The following POMGNT1 variants were observed in gnomAD, a reference collection of about 807,000 sequenced individuals.
POMGNT1 encodes protein O-linked-mannose beta-1,2-N-acetylglucosaminyltransferase 1.
Under a neutral mutation model 95.6 loss-of-function variants are expected in POMGNT1, and 67 were observed. The ratio of observed to expected loss-of-function variants is 0.70; its 90% confidence interval spans 0.58 to 0.86. The LOEUF is 0.86. Among genes scored for constraint, POMGNT1 ranks in the 40% least tolerant of loss-of-function variants. The pLI is 0.00. For synonymous variants in POMGNT1, 298 were observed against 317.9 expected, an observed-to-expected ratio of 0.94 and a Z score of 0.66; for missense variants, 719 against 855.2, an observed-to-expected ratio of 0.84 and a Z score of 1.99.
chr1:46,190,364 A>G, intron 19 of POMGNT1, 109 bp downstream of exon 19: 2 of 1,401,954 alleles, frequency 1.4e-6, no homozygotes, highest in Middle Eastern at 1.8e-4. Context: ...AATGTTTGAG[A>G]TGAGGGCCCT....
chr1:46,205,116 G>A (rs1010789974), intron 1 of POMGNT1, among the ~76,000 whole-genome samples: 1 of 152,106 alleles, frequency 6.6e-6, no homozygotes, highest in African/African-American at 2.4e-5. Context: ...AAATTAGATG[G>A]GTGTTGTGGT....
At chr1:46,189,796 G>A in intron 20 of POMGNT1, 58 bp downstream of exon 20, 1 of 1,609,024 alleles carries the variant, frequency 6.2e-7, no homozygotes, top group Non-Finnish European at 8.5e-7. Context: ...CCTGGATCTT[G>A]GGGCAGTATG....
intron 10 of POMGNT1, 23 bp downstream of exon 10, chr1:46,193,832 G>T: frequency 6.2e-7 from 1 of 1,613,582 alleles, no homozygotes; most frequent in South Asian, 1.1e-5. Flanking sequence ...TCAGTGCTGG[G>T]TATAGCCCAT....
intron 2 of POMGNT1, chr1:46,197,437 T>G (rs1320261477): frequency 6.7e-7 from 1 of 1,492,370 alleles, no homozygotes; most frequent in Non-Finnish European, 8.9e-7. Flanking sequence ...CCTAACTGCC[T>G]CACAGGGGTG....
upstream of POMGNT1, among the ~76,000 whole-genome samples, chr1:46,199,715 AT>A (rs1370994621): frequency 1.3e-5 from 2 of 152,126 alleles, no homozygotes; most frequent in Non-Finnish European, 2.9e-5. Context: ...GACCAGTTAG[AT>A]TTTTTTGAGC....
intron 15 of POMGNT1, 26 bp from the exon 16 acceptor site, chr1:46,192,462 G>A (rs1487942183): frequency 1.2e-6 from 2 of 1,614,012 alleles, no homozygotes; most frequent in Non-Finnish European, 1.7e-6. Flanking sequence ...CATAGTGGGA[G>A]GTATTAGCTG....
Position 46,195,828 on chromosome 1 carries a change from G to A in POMGNT1, c.517C>T (p.Leu173Phe). 1 of 1,598,248 alleles carries A rather than the reference G, an allele frequency of 6.3e-7. No homozygotes were observed. Among genetic ancestry groups the A allele is most frequent in the Non-Finnish European group, 8.5e-7 (1 of 1,171,246 alleles). Residue 173 changes from leucine (L) to phenylalanine (F), a missense_variant, in exon 6 of 22, where the codon CTC (leucine) becomes TTC (phenylalanine). Around this residue, in one of 5 missense-constraint regions of POMGNT1, gnomAD observed 466 missense variants for 517.4 expected, o/e 0.90. Coordinates refer to ENST00000371984, the MANE Select transcript of POMGNT1 (RefSeq NM_017739.4). ...FLNMVAPGRV[L>F]ICTVKDEGSF... ...TAACTGACCTTGACAGTGCAGATGAGCACTCGGCCGGGCGCTACCATGTTG... is the reference window on the plus strand; with the variant it reads ...TAACTGACCTTGACAGTGCAGATGAACACTCGGCCGGGCGCTACCATGTTG...
intron 13 of POMGNT1, 85 bp from the exon 14 acceptor site, chr1:46,193,043 A>G: frequency 1.2e-6 from 2 of 1,604,166 alleles, no homozygotes; most frequent in Non-Finnish European, 1.7e-6. Flanking sequence ...TCTTGCAGGC[A>G]GCATTACCCC....
intron 11 of POMGNT1, 47 bp downstream of exon 11, chr1:46,193,517 T>C (rs1657960307): frequency 6.2e-7 from 1 of 1,613,960 alleles, no homozygotes; most frequent in Admixed American, 1.7e-5. Flanking sequence ...CAATCACTGC[T>C]GCTCCATGTT....
rs1352390487 is a variant in POMGNT1, at chr1:46,196,009, C to T, written c.420+3G>A. ...TCTGGGTCACCCACCCCTAGAAACT[C>T]ACCGTGGCCTGGTTGAGGACAATGA... On this transcript the variant is annotated splice_donor_region_variant and intron_variant, in intron 5 of 21. Transcript: ENST00000371984. This position sits in a 1 kb window ranked among gnomAD's most constrained non-coding sequence, Gnocchi z 4.4. The T allele has an allele frequency of 6.2e-7, 1 of 1,614,090 alleles. No homozygotes were observed. Among genetic ancestry groups the T allele is most frequent in the East Asian group, 2.2e-5 (1 of 44,888 alleles).
At chr1:46,200,538 G>A (rs557403625), upstream of POMGNT1, among the ~76,000 whole-genome samples, 1 of 152,270 alleles carries the variant, frequency 6.6e-6, no homozygotes, top group African/African-American at 2.4e-5. Context: ...GCTCACCATT[G>A]TATTCTCTAC....
At chr1:46,193,962 C>G (rs1168670289) in intron 9 of POMGNT1, 37 bp from the exon 10 acceptor site, 1 of 1,611,436 alleles carries the variant, frequency 6.2e-7, no homozygotes, top group Non-Finnish European at 8.5e-7. Context: ...TGCCTTATTC[C>G]CCCTTCAAAC....
intron 1 of POMGNT1, among the ~76,000 whole-genome samples, chr1:46,207,353 T>A (rs1161345397): frequency 6.6e-6 from 1 of 152,094 alleles, no homozygotes; most frequent in Non-Finnish European, 1.5e-5. Context: ...GTGCTGGGAT[T>A]ACAGGTGTGA....
Position 46,193,634 on chromosome 1 carries a change from A to G in POMGNT1, c.956T>C (p.Leu319Pro), listed in dbSNP as rs1657975458. Residue 319 changes from leucine (L) to proline (P), a missense_variant, in exon 11 of 22, where the codon CTG (leucine) becomes CCG (proline). By Grantham distance (98) the Leu-to-Pro change is moderately conservative. Transcript: ENST00000371984. Reference protein sequence around the residue: ...GNRPNYLYRMLRSLLSAQGVS... With the variant: ...GNRPNYLYRMPRSLLSAQGVS... ...CCCCTGGGCTGAAAGCAGAGAGCGC[A>G]GCATCCTGGGGAGCCCAGGGATAGG... 1 of 1,614,216 alleles carries G rather than the reference A, an allele frequency of 6.2e-7. No individual in the cohort carries two copies. The highest frequency in any genetic ancestry group is 1.3e-5 in the African/African-American group (1 of 75,070).
At position 46,192,923 on chromosome 1, in the gene POMGNT1, C is replaced by T. The variant is rs1657896660; in HGVS notation, c.1188G>A (p.Leu396=). The part of the protein sequence containing the change: ...AKFAVVLEED[L]DIAVDFFSFL... ...ACCTGAAAAAATCCACAGCAATGTC[C>T]AGGTCCTCTTCCAGAACCACAGCAA... Residue 396 remains leucine (L), a synonymous_variant, in exon 14 of 22, where the codon CTG becomes CTA. Transcript: ENST00000371984. 1 of 1,614,170 alleles carries T rather than the reference C, an allele frequency of 6.2e-7. No homozygotes were observed. The highest frequency in any genetic ancestry group is 8.5e-7 in the Non-Finnish European group (1 of 1,180,028).
In POMGNT1 at chr1:46,193,926, C is replaced by G. The variant is rs1317832573; in HGVS notation, c.880-1G>C. 1.2e-6 allele frequency: 2 copies of G among 1,614,014 alleles called. No individual in the cohort carries two copies. The highest frequency in any genetic ancestry group is 1.7e-6 in the Non-Finnish European group (2 of 1,180,014). On this transcript the variant is annotated splice_acceptor_variant, in intron 9 of 21. Transcript: ENST00000371984. LOFTEE classifies it high-confidence loss of function. ...CATTGAGGACCTTGTTGTCTGGGAGCTGTGGGAGAAATAGCGTTTAGCTCT... is the reference window on the plus strand; with the variant it reads ...CATTGAGGACCTTGTTGTCTGGGAGGTGTGGGAGAAATAGCGTTTAGCTCT...
Position 46,194,324 on chromosome 1 carries a change from T to G in POMGNT1, c.829A>C (p.Ser277Arg). 6.2e-7 allele frequency: 1 copy of G among 1,614,160 alleles called. No homozygotes were observed. Among genetic ancestry groups the G allele is most frequent in the Non-Finnish European group, 8.5e-7 (1 of 1,180,022 alleles). Residue 277 changes from serine to arginine, a missense_variant, in exon 9 of 22, where the codon AGT becomes CGT. By Grantham distance (110) the Ser-to-Arg change is moderately radical (BLOSUM62 -1). Coordinates refer to ENST00000371984, the MANE Select transcript of POMGNT1 (RefSeq NM_017739.4). The stretch of plus-strand genomic sequence containing the variant: ...GTGGGGTCCTTGCAGCTGCATACAC[T>G]TCCATAGCCCTCAACTTTGCTGCAG... ...RFCSKVEGYG[S>R]VCSCKDPTPI...
At chr1:46,213,147 A>G (rs557803651) in intron 1 of POMGNT1, among the ~76,000 whole-genome samples, 1 of 152,114 alleles carries the variant, frequency 6.6e-6, no homozygotes, top group South Asian at 2.1e-4. Context: ...ATAAGTGTGT[A>G]CACATACACA....
chr1:46,220,277 C>T (rs895971649), exon 1 of POMGNT1: 180 of 1,509,614 alleles, frequency 1.2e-4, no homozygotes, highest in Middle Eastern at 1.8e-4. Context: ...ATGTGGTCTC[C>T]CCCAAAATTG....
Sources: gnomAD v4.1 joint callset for allele counts (sites outside exome capture counted in the v4.1 genomes callset) on GRCh38, gnomAD v4.1.1 for gene constraint, gnomAD v4.1.1 regional missense constraint, Gnocchi (gnomAD v3.1) non-coding constraint, MANE v1.5 for transcripts, NCBI Gene and HGNC (gene_info 2026-07-23, HGNC 2026-07-21) for gene names.